SLC25A37: variants seen among roughly 807,000 people sequenced by gnomAD.
SLC25A37 encodes the protein solute carrier family 25 member 37.
SLC25A37 carries 17 observed loss-of-function variants against 31.0 expected under a neutral mutation model. That is an observed-to-expected ratio of 0.55 (90% CI 0.38 to 0.82). The LOEUF (loss-of-function observed/expected upper bound fraction) is 0.82. Ranked by LOEUF, SLC25A37 falls within the 40% of genes least tolerant of loss-of-function variation. The pLI is 0.00. For missense variants in SLC25A37, 404 were observed against 465.8 expected (o/e 0.87, Z 1.22); for synonymous variants, 222 against 193.0 (o/e 1.15, Z -1.24).
chr8:23,547,197 G>A (rs771984340), intron 1 of SLC25A37, among the ~76,000 whole-genome samples: 4 of 152,134 alleles, frequency 2.6e-5, no homozygotes, highest in East Asian at 3.8e-4. Flanking sequence ...AACAGATTTC[G>A]GATCTCACCT....
rs372483383 is a variant in SLC25A37, at chr8:23,529,781, C to A, written c.210+569C>A. On this transcript the variant is annotated intron_variant, in intron 1 of 3. Coordinates refer to ENST00000519973, the MANE Select transcript of SLC25A37 (RefSeq NM_016612.4). This position sits in a 1 kb window ranked among gnomAD's most constrained non-coding sequence, Gnocchi z 4.1. ...CTCTCGACTAGTGGCAGCTCTTTACCGGTTCGACAGCGGCCCGTGGGATCC... is the reference window on the plus strand; with the variant it reads ...CTCTCGACTAGTGGCAGCTCTTTACAGGTTCGACAGCGGCCCGTGGGATCC... Among the ~76,000 whole-genome samples, 14 of 152,274 alleles carry A rather than the reference C, an allele frequency of 9.2e-5. No homozygotes were observed. The highest frequency in any genetic ancestry group is 2.9e-4 in the African/African-American group (12 of 41,556).
intron 1 of SLC25A37, among the ~76,000 whole-genome samples, chr8:23,563,132 C>A (rs73228247): frequency 2.8e-4 from 43 of 152,306 alleles, no homozygotes; most frequent in Non-Finnish European, 4.9e-4. Flanking sequence ...TTGGTTGGCA[C>A]ATTCACTTTC....
At chr8:23,556,580 ATGTATATATGCATG>A (rs1802372178) in intron 1 of SLC25A37, among the ~76,000 whole-genome samples, 1 of 151,956 alleles carries the variant, frequency 6.6e-6, no homozygotes, top group South Asian at 2.1e-4. Context: ...GTATATACAT[ATGTATATATGCATG>A]TGTATATATA....
intron 3 of SLC25A37, among the ~76,000 whole-genome samples, chr8:23,569,303 C>T (rs1023845287): frequency 5.9e-5 from 9 of 152,044 alleles, no homozygotes; most frequent in African/African-American, 9.7e-5. Context: ...GGCTTTACAC[C>T]GAACCTACTG....
intron 1 of SLC25A37, among the ~76,000 whole-genome samples, chr8:23,559,729 A>G (rs779149614): frequency 6.6e-6 from 1 of 152,118 alleles, no homozygotes; most frequent in African/African-American, 2.4e-5. Context: ...TAGGCACCTC[A>G]TATCAGTGGA....
chr8:23,571,260 G>T, intron 3 of SLC25A37, 75 bp from the exon 4 acceptor site: 1 of 1,448,936 alleles, frequency 6.9e-7, no homozygotes, highest in South Asian at 1.4e-5. Flanking sequence ...GCTTCATTCC[G>T]ACCTGGGGTG....
rs1802921988 is a variant in SLC25A37, at chr8:23,573,802, T to C, written c.*1947T>C. On this transcript the variant is annotated 3_prime_UTR_variant, in exon 4 of 4. Coordinates refer to ENST00000519973, the MANE Select transcript of SLC25A37 (RefSeq NM_016612.4). ...GCTGCTGCCCTGTCCCATCTGGCAGTTAACGCCTTCTCCCTGCTCTGCCCC... is the reference window on the plus strand; with the variant it reads ...GCTGCTGCCCTGTCCCATCTGGCAGCTAACGCCTTCTCCCTGCTCTGCCCC... 2.2e-6 allele frequency: 1 copy of C among 456,614 alleles called. No homozygotes were observed. The highest frequency in any genetic ancestry group is 4.4e-6 in the Non-Finnish European group (1 of 226,964). 28.3% of individuals were successfully genotyped at this position (456,614 alleles called of 1,614,324 possible). A position where few individuals can be genotyped will look rare whatever the true frequency, so the allele number is the denominator to read the frequency against.
chr8:23,539,069 G>C (rs775229413), intron 1 of SLC25A37, among the ~76,000 whole-genome samples: 1 of 152,120 alleles, frequency 6.6e-6, no homozygotes, highest in Admixed American at 6.5e-5. Flanking sequence ...CACCCTCCTC[G>C]TAACCCCAGA....
chr8:23,554,920 T>C (rs1563260490), intron 1 of SLC25A37, among the ~76,000 whole-genome samples: 1 of 152,222 alleles, frequency 6.6e-6, no homozygotes, highest in African/African-American at 2.4e-5. Flanking sequence ...TCCCATCATA[T>C]TGCTGTTGGG....
intron 1 of SLC25A37, among the ~76,000 whole-genome samples, chr8:23,562,902 C>T (rs188058929): frequency 6.6e-6 from 1 of 152,234 alleles, no homozygotes; most frequent in Admixed American, 6.5e-5. Flanking sequence ...TTGTCAGGGG[C>T]AAGTATAAGA....
intron 1 of SLC25A37, among the ~76,000 whole-genome samples, chr8:23,558,342 C>T (rs999998262): frequency 6.6e-6 from 1 of 152,066 alleles, no homozygotes; most frequent in African/African-American, 2.4e-5. Flanking sequence ...CTTTTTTGGT[C>T]CTAGGCCTGG....
At chr8:23,554,418 T>A (rs1585191419) in intron 1 of SLC25A37, among the ~76,000 whole-genome samples, 1 of 152,146 alleles carries the variant, frequency 6.6e-6, no homozygotes, top group Admixed American at 6.5e-5. Context: ...CAGTCCAGGG[T>A]AGTCCCTTCC....
At position 23,540,992 on chromosome 8, in the gene SLC25A37, C is replaced by T. The variant is rs183550517; in HGVS notation, c.210+11780C>T. Among the ~76,000 whole-genome samples the T allele has an allele frequency of 7.9e-5, 12 of 152,352 alleles. No homozygotes were observed. In the East Asian group the frequency reaches 1.9e-3, roughly 24 times the overall value. The stretch of plus-strand genomic sequence containing the variant: ...CTCATTGGAATGGAAAATCCAGGCT[C>T]TCATTCCAGCACTAGGACTCAGTGC... On this transcript the variant is annotated intron_variant, in intron 1 of 3. Coordinates refer to ENST00000519973, the MANE Select transcript of SLC25A37 (RefSeq NM_016612.4).
intron 1 of SLC25A37, among the ~76,000 whole-genome samples, chr8:23,551,582 GAA>G (rs60130811): frequency 1.4e-5 from 2 of 141,594 alleles, no homozygotes; most frequent in Non-Finnish European, 1.6e-5. Flanking sequence ...TTATCCAAAG[GAA>G]AAAAAAAAAA....
intron 1 of SLC25A37, among the ~76,000 whole-genome samples, chr8:23,535,996 T>A (rs1801759947): frequency 6.6e-6 from 1 of 152,126 alleles, no homozygotes; most frequent in African/African-American, 2.4e-5. Context: ...TACCAAGAGC[T>A]ATTTTATAGG....
chr8:23,573,307 T>C lies in SLC25A37; in HGVS notation c.*1452T>C, dbSNP rs1442038540. The C allele has an allele frequency of 1.3e-5, 2 of 153,580 alleles. No homozygotes were observed. The highest frequency in any genetic ancestry group is 4.8e-5 in the African/African-American group (2 of 41,502). 9.5% of individuals were successfully genotyped at this position (153,580 alleles called of 1,614,324 possible). On this transcript the variant is annotated 3_prime_UTR_variant, in exon 4 of 4. Transcript: ENST00000519973. ...CTGAAATGGTGTGTGCCGAGTCAGA[T>C]TGCCGCTCAGAGAAAATACAAGCCC...
intron 3 of SLC25A37, 40 bp downstream of exon 3, chr8:23,568,418 T>C: frequency 1.2e-6 from 2 of 1,611,978 alleles, no homozygotes; most frequent in Non-Finnish European, 1.7e-6. Flanking sequence ...GTAGGGGATG[T>C]GCAAAGGGGC....
At chr8:23,556,665 G>C (rs761987750) in intron 1 of SLC25A37, among the ~76,000 whole-genome samples, 4 of 151,930 alleles carry the variant, frequency 2.6e-5, no homozygotes, top group African/African-American at 4.8e-5. Flanking sequence ...TGTATTATAT[G>C]TATATTCTCT....
At chr8:23,534,674 G>A (rs182905362) in intron 1 of SLC25A37, among the ~76,000 whole-genome samples, 2 of 152,284 alleles carry the variant, frequency 1.3e-5, no homozygotes, top group African/African-American at 4.8e-5. Flanking sequence ...TCCCAGTTAG[G>A]TGTGACCTTG....
Sources: gnomAD v4.1 joint callset for allele counts (sites outside exome capture counted in the v4.1 genomes callset) on GRCh38, gnomAD v4.1.1 for gene constraint, Gnocchi (gnomAD v3.1) non-coding constraint, MANE v1.5 for transcripts, NCBI Gene and HGNC (gene_info 2026-07-23, HGNC 2026-07-21) for gene names.